Variants in MRI1 observed in about 807,000 individuals in gnomAD.
MRI1 encodes the protein methylthioribose-1-phosphate isomerase 1.
MRI1 carries 32 observed loss-of-function variants against 27.3 expected under a neutral mutation model. That is an observed-to-expected ratio of 1.17 (90% CI 0.88 to 1.57). MRI1 has a LOEUF of 1.57. Ranked by LOEUF, MRI1 falls within the 40% of genes most tolerant of loss-of-function variation. The probability of loss-of-function intolerance (pLI) is 0.00; values close to 1 mark genes in which losing one functional copy is unlikely to be tolerated. For synonymous variants in MRI1, 216 were observed against 227.4 expected (o/e 0.95, Z 0.45); for missense variants, 508 against 516.1 (o/e 0.98, Z 0.15).
intron 3 of MRI1, among the ~76,000 whole-genome samples, chr19:13,766,433 C>A (rs1480762050): frequency 6.6e-6 from 1 of 152,146 alleles, no homozygotes; most frequent in East Asian, 1.9e-4. Context: ...CTAGAAAAGT[C>A]TCCTTGTATC....
rs950962157 is a variant in MRI1 at position 13,768,238 on chromosome 19, C to T, written c.548-323C>T. On this transcript the variant is annotated intron_variant, in intron 3 of 5. Transcript: ENST00000040663. ...ATAGAAAAGGGGGGCTGCCTGTACA[C>T]ATGAGGTGTTAGAAGGTGATAAATG... 62 of 700,774 alleles carry T rather than the reference C, an allele frequency of 8.8e-5. No individual in the cohort carries two copies. In the East Asian group the frequency reaches 1.5e-3, roughly 17 times the overall value. The allele number at this position is 700,774 out of a possible 1,614,324, so 43.4% of individuals were successfully genotyped here. A position where few individuals can be genotyped will look rare whatever the true frequency, so the allele number is the denominator to read the frequency against.
intron 5 of MRI1, among the ~76,000 whole-genome samples, chr19:13,770,609 C>G (rs565719439): frequency 6.7e-6 from 1 of 149,052 alleles, no homozygotes; most frequent in African/African-American, 2.5e-5. Flanking sequence ...AAAGGCCGAG[C>G]GCTGTGGCTC....
intron 5 of MRI1, among the ~76,000 whole-genome samples, chr19:13,771,363 A>G (rs1974265142): frequency 6.6e-6 from 1 of 151,838 alleles, no homozygotes; most frequent in Non-Finnish European, 1.5e-5. Flanking sequence ...GCAAAACTCC[A>G]TCTCAAAAAA....
chr19:13,772,070 CT>C, intron 5 of MRI1, 50 bp from the exon 6 acceptor site: 1 of 1,542,042 alleles, frequency 6.5e-7, no homozygotes, highest in South Asian at 1.2e-5. Context: ...AACCTGAGAA[CT>C]TTCACAGAAG....
At position 13,772,147 on chromosome 19, in the gene MRI1, G is replaced by C. The variant is rs767627706; in HGVS notation, c.976G>C (p.Asp326His). The change falls in exon 6 of 6, where the codon GAT becomes CAT. Residue 326 changes from aspartate (D) to histidine (H), a missense_variant. Transcript: ENST00000040663. ...GATTGGAGTTTGGAATCCTGCCTTC[G>C]ATGTCACCCCCCACGACCTCATCAC... is the stretch of plus-strand genomic sequence containing the variant. The part of the protein sequence containing the change: ...PGIGVWNPAF[D>H]VTPHDLITGG... 11 of 1,613,024 alleles carry C rather than the reference G, an allele frequency of 6.8e-6. No individual in the cohort carries two copies. In the Admixed American group the frequency reaches 1.7e-4, roughly 25 times the overall value.
Position 13,772,426 on chromosome 19 carries a change from C to G in MRI1, c.*145C>G. On this transcript the variant is annotated 3_prime_UTR_variant, in exon 6 of 6. Coordinates refer to ENST00000040663, the MANE Select transcript of MRI1 (RefSeq NM_001031727.4). ...AGGGCCTTCCATCTAGAGCCCAGCA[C>G]CTAGAGCCAGGCTGCCCAGATTCAA... 2.8e-6 allele frequency: 2 copies of G among 724,760 alleles called. No individual in the cohort carries two copies. Among genetic ancestry groups the G allele is most frequent in the Non-Finnish European group, 4.4e-6 (2 of 459,698 alleles). 44.9% of individuals were successfully genotyped at this position (724,760 alleles called of 1,614,324 possible).
chr19:13,767,037 ATTTTTTTTTTTT>A (rs1161584156), intron 3 of MRI1, among the ~76,000 whole-genome samples: 17 of 21,116 alleles, frequency 8.1e-4, no homozygotes, highest in African/African-American at 2.8e-3. Context: ...ATATATATAT[ATTTTTTTTTTTT>A]TTTTTTTTTT....
At chr19:13,769,748 C>T (rs928087052) in intron 5 of MRI1, among the ~76,000 whole-genome samples, 31 of 151,618 alleles carry the variant, frequency 2.0e-4, no homozygotes, top group Non-Finnish European at 4.3e-4. Flanking sequence ...AGTGAAACCC[C>T]GTCTCTACTA....
Position 13,768,825 on chromosome 19 carries a change from T to C in MRI1, c.726T>C (p.Ala242=). Residue 242 remains alanine (A), a splice_region_variant and synonymous_variant, in exon 5 of 6, where the codon GCT becomes GCC. Transcript: ENST00000040663. ...AAAMAHRGVS[A]VVVGADRVVA... is the part of the protein sequence containing the mutation. ...ACTTCTCATACGCCCCCTCCCCAGC[T>C]GTGGTCGTGGGAGCTGACCGCGTGG... The C allele has an allele frequency of 1.2e-6, 2 of 1,603,196 alleles. No individual in the cohort carries two copies. The highest frequency in any genetic ancestry group is 2.2e-5 in the South Asian group (2 of 90,576).
At position 13,773,553 on chromosome 19, in the gene MRI1, C is replaced by A. The variant is rs1470529347; in HGVS notation, c.*1272C>A. ...CTGAAGTGGGAGGATGGCTTGAGCCCAGGAGTTCAAGGATGCAGTGTGCTT... is the reference window on the plus strand; with the variant it reads ...CTGAAGTGGGAGGATGGCTTGAGCCAAGGAGTTCAAGGATGCAGTGTGCTT... On this transcript the variant is annotated 3_prime_UTR_variant, in exon 6 of 6. Transcript: ENST00000040663. 1 of 153,560 alleles carries A rather than the reference C, an allele frequency of 6.5e-6. No individual in the cohort carries two copies. Among genetic ancestry groups the A allele is most frequent in the Non-Finnish European group, 1.5e-5 (1 of 68,060 alleles). The allele number at this position is 153,560 out of a possible 1,614,324, so 9.5% of individuals were successfully genotyped here.
intron 5 of MRI1, 133 bp from the exon 6 acceptor site, chr19:13,771,988 T>C: frequency 1.3e-6 from 1 of 758,442 alleles, no homozygotes; most frequent in South Asian, 1.9e-5. Context: ...CATGTACTTT[T>C]GGGGTGAGAA....
At chr19:13,770,811 A>G (rs533448607) in intron 5 of MRI1, among the ~76,000 whole-genome samples, 8 of 152,204 alleles carry the variant, frequency 5.3e-5, no homozygotes, top group Non-Finnish European at 8.8e-5. Context: ...TGAACCCGGG[A>G]GGCGGAGGTT....
chr19:13,769,049 G>C lies in MRI1; in HGVS notation c.949+1G>C. 6.2e-7 allele frequency: 1 copy of C among 1,601,402 alleles called. No individual in the cohort carries two copies. Among genetic ancestry groups the C allele is most frequent in the Non-Finnish European group, 8.5e-7 (1 of 1,171,434 alleles). ...AATGGGGTCCGGATTGCAGCACCTG[G>C]TAAGCTGCCCCCTCAGAAAGGGGAC... On this transcript the variant is annotated splice_donor_variant, in intron 5 of 5. Coordinates refer to ENST00000040663, the MANE Select transcript of MRI1 (RefSeq NM_001031727.4). LOFTEE classifies it high-confidence loss of function.
At position 13,766,070 on chromosome 19, in the gene MRI1, C is replaced by T. The variant is rs752408063; in HGVS notation, c.488C>T (p.Thr163Ile). The change falls in exon 3 of 6, where the codon ACT becomes ATT. Residue 163 changes from threonine to isoleucine, a missense_variant. By Grantham distance (89) the Thr-to-Ile change is moderately conservative (BLOSUM62 -1). Transcript: ENST00000040663. ...GTGGCCCCCAGCGGTGGCAAGGTGA[C>T]TGTGCTGACCCACTGTAACACTGGT... ...ERVAPSGGKV[T>I]VLTHCNTGAL... 2 of 1,612,814 alleles carry T rather than the reference C, an allele frequency of 1.2e-6. No individual in the cohort carries two copies. Among genetic ancestry groups the T allele is most frequent in the Admixed American group, 3.3e-5 (2 of 59,918 alleles).
In MRI1 at chr19:13,772,398, G is replaced by A; in HGVS notation, c.*117G>A. 1 of 992,514 alleles carries A rather than the reference G, an allele frequency of 1.0e-6. No homozygotes were observed. Among genetic ancestry groups the A allele is most frequent in the Non-Finnish European group, 1.5e-6 (1 of 689,148 alleles). 61.5% of individuals were successfully genotyped at this position (992,514 alleles called of 1,614,324 possible). On this transcript the variant is annotated 3_prime_UTR_variant, in exon 6 of 6. Transcript: ENST00000040663. ...ACTTGTTCCTAGTGCAGGGAGCTCA[G>A]ACAGGGCCTTCCATCTAGAGCCCAG...
In MRI1 at chr19:13,764,557, C is replaced by G. The variant is rs562232569; in HGVS notation, c.-32C>G. 8 of 1,600,142 alleles carry G rather than the reference C, an allele frequency of 5.0e-6. No homozygotes were observed. In the Middle Eastern group the frequency reaches 1.3e-3, roughly 257 times the overall value. On this transcript the variant is annotated 5_prime_UTR_variant, in exon 1 of 6. Transcript: ENST00000040663. The stretch of plus-strand genomic sequence containing the variant: ...CAAGTGCGCGCGGACCCCTAGCTCC[C>G]TCTGAGTTGCGCTGGGCTTGGCTGC...
rs769090440 is a variant in MRI1 at position 13,766,043 on chromosome 19, G to A, written c.461G>A (p.Arg154Gln). The change falls in exon 3 of 6, where the codon CGG becomes CAG. Residue 154 changes from arginine (R) to glutamine (Q), a missense_variant. Around this residue, in one of 3 missense-constraint regions of MRI1, gnomAD observed 457 missense variants for 452.8 expected, o/e 1.01. Coordinates refer to ENST00000040663, the MANE Select transcript of MRI1 (RefSeq NM_001031727.4). ...CTAGGAGCCCGCCACCTCCTGGAGC[G>A]GGTGGCCCCCAGCGGTGGCAAGGTG... is the stretch of plus-strand genomic sequence containing the variant. ...GDLGARHLLE[R>Q]VAPSGGKVTV... The A allele has an allele frequency of 9.3e-6, 15 of 1,613,002 alleles. No homozygotes were observed. Among genetic ancestry groups the A allele is most frequent in the South Asian group, 4.4e-5 (4 of 91,042 alleles).
Position 13,768,695 on chromosome 19 carries a change from G to T in MRI1, c.682G>T (p.Asp228Tyr). The part of the protein sequence containing the change: ...YEQIPATLIT[D>Y]SMVAAAMAHR... ...GCAGATCCCCGCCACCCTTATCACC[G>T]ACAGCATGGTGGCTGCTGCCATGGC... The change falls in exon 4 of 6, where the codon GAC (aspartate) becomes TAC (tyrosine). Residue 228 changes from aspartate to tyrosine, a missense_variant. Asp to Tyr is a radical substitution (Grantham distance 160). Transcript: ENST00000040663. The T allele has an allele frequency of 1.2e-6, 2 of 1,613,942 alleles. No individual in the cohort carries two copies. Among genetic ancestry groups the T allele is most frequent in the Non-Finnish European group, 1.7e-6 (2 of 1,180,022 alleles).
rs758987948 is a variant in MRI1 at position 13,766,146 on chromosome 19, A to G, written c.547+17A>G. On this transcript the variant is annotated intron_variant, in intron 3 of 5. Transcript: ENST00000040663. ...CAGCCCTAGGTGAGAGGGCCTCCTC[A>G]GGGGGTAGGGGAGGGCCTTCTAGGA... 2 of 1,507,092 alleles carry G rather than the reference A, an allele frequency of 1.3e-6. No homozygotes were observed. The highest frequency in any genetic ancestry group is 2.4e-5 in the East Asian group (1 of 42,086). The allele number at this position is 1,507,092 out of a possible 1,614,324, so 93.4% of individuals were successfully genotyped here. A position where few individuals can be genotyped will look rare whatever the true frequency, so the allele number is the denominator to read the frequency against.
Sources: allele counts gnomAD v4.1 joint callset (sites outside exome capture counted in the v4.1 genomes callset), GRCh38; gene constraint gnomAD v4.1.1; regional missense constraint gnomAD v4.1.1; transcripts MANE v1.5; gene names NCBI Gene and HGNC (gene_info 2026-07-23, HGNC 2026-07-21).